The following PHF3 variants were observed in gnomAD, a reference collection of about 807,000 sequenced individuals.
The protein encoded by PHF3 is PHD finger protein 3.
Under a neutral mutation model 178.4 loss-of-function variants are expected in PHF3, and 41 were observed. That is an observed-to-expected ratio of 0.23 (90% confidence interval 0.18 to 0.30). The LOEUF is 0.30. Ranked by LOEUF, PHF3 falls within the 10% of genes least tolerant of loss-of-function variation. The pLI is 1.00. For missense variants in PHF3, 2,346 were observed against 2,398.1 expected (o/e 0.98, Z 0.45); for synonymous variants, 842 against 800.5 (o/e 1.05, Z -0.88).
At chr6:63,702,868 C>T (rs1304220533) in intron 10 of PHF3, among the ~76,000 whole-genome samples, 1 of 149,768 alleles carries the variant, frequency 6.7e-6, no homozygotes, top group African/African-American at 2.5e-5. Context: ...AGTGCTCTGA[C>T]TTAGTGAATT....
Position 63,720,362 on chromosome 6 carries a change from C to G in PHF3, c.*6654C>G, listed in dbSNP as rs1426059521. ...AATAAGCACATTCTGTGAATAAGCA[C>G]TGAACTAATGGAGTTAAAACATGAA... On this transcript the variant is annotated 3_prime_UTR_variant, in exon 16 of 16. Transcript: ENST00000262043. 9.1e-6 allele frequency: 4 copies of G among 440,260 alleles called. No individual in the cohort carries two copies. The highest frequency in any genetic ancestry group is 6.1e-5 in the African/African-American group (3 of 48,952). 27.3% of individuals were successfully genotyped at this position (440,260 alleles called of 1,614,324 possible).
intron 1 of PHF3, among the ~76,000 whole-genome samples, chr6:63,646,284 A>G (rs973461982): frequency 2.0e-5 from 3 of 152,126 alleles, no homozygotes; most frequent in Non-Finnish European, 4.4e-5. Flanking sequence ...CTGAGTAAAC[A>G]TTTAGTAGGA....
rs1047544870 is a variant in PHF3, at chr6:63,718,978, C to T, written c.*5270C>T. 3.0e-4 allele frequency among the ~76,000 whole-genome samples: 46 copies of T among 151,950 alleles called. No individual in the cohort carries two copies. The highest frequency in any genetic ancestry group is 5.3e-4 in the Non-Finnish European group (36 of 67,930). On this transcript the variant is annotated 3_prime_UTR_variant, in exon 16 of 16. Transcript: ENST00000262043. ...AGTATGGAGCAATACCAGTTTAGGT[C>T]ACAGTTTTTCAGCAAAATTTGATGG...
chr6:63,718,638 C>G lies in PHF3; in HGVS notation c.*4930C>G, dbSNP rs1768261664. 6.6e-6 allele frequency among the ~76,000 whole-genome samples: 1 copy of G among 151,948 alleles called. No individual in the cohort carries two copies. The highest frequency in any genetic ancestry group is 6.6e-5 in the Admixed American group (1 of 15,196). On this transcript the variant is annotated 3_prime_UTR_variant, in exon 16 of 16. Transcript: ENST00000262043. ...TTTATTTGAAATATATGAAGAAAAT[C>G]TGGCTATATGTGCATTTGTTTTTGG...
rs1177402750 is a variant in PHF3, at chr6:63,718,557, G to C, written c.*4849G>C. 6.6e-6 allele frequency among the ~76,000 whole-genome samples: 1 copy of C among 151,898 alleles called. No homozygotes were observed. Among genetic ancestry groups the C allele is most frequent in the East Asian group, 1.9e-4 (1 of 5,186 alleles). ...TGATTTTTGCATATTTCCAATTTCT[G>C]ACTTAGGGCTGGATTCTCTTACCTG... On this transcript the variant is annotated 3_prime_UTR_variant, in exon 16 of 16. Transcript: ENST00000262043.
At chr6:63,648,155 A>G (rs1209450855) in intron 2 of PHF3, among the ~76,000 whole-genome samples, 2 of 152,058 alleles carry the variant, frequency 1.3e-5, no homozygotes, top group African/African-American at 2.4e-5. Context: ...GTATCTCTGA[A>G]TTATTTATAT....
chr6:63,695,143 G>T (rs1767179723), intron 6 of PHF3, among the ~76,000 whole-genome samples: 1 of 152,160 alleles, frequency 6.6e-6, no homozygotes. Context: ...AATGGAGGAA[G>T]TAACTTGTGA....
rs982845380 is a variant in PHF3 at position 63,636,070 on chromosome 6, CCCT to C, written c.-95_-93del. 116 of 392,108 alleles carry C rather than the reference CCCT, an allele frequency of 3.0e-4. No individual in the cohort carries two copies. The highest frequency in any genetic ancestry group is 2.0e-3 in the African/African-American group (97 of 48,298). 24.3% of individuals were successfully genotyped at this position (392,108 alleles called of 1,614,324 possible). A position where few individuals can be genotyped will look rare whatever the true frequency, so the allele number is the denominator to read the frequency against. ...CCCTCTCCGCGGCACCCACCGGGCCCCCTCCTCCTCCTCTTCGGCGGCGGCAGC... is the reference window on the plus strand; with the variant it reads ...CCCTCTCCGCGGCACCCACCGGGCCCCCTCCTCCTCTTCGGCGGCGGCAGC... On this transcript the variant is annotated 5_prime_UTR_variant, in exon 1 of 16. Transcript: ENST00000262043.
chr6:63,704,403 TC>T (rs1289664661), intron 11 of PHF3, among the ~76,000 whole-genome samples: 5 of 151,706 alleles, frequency 3.3e-5, no homozygotes, highest in Admixed American at 3.3e-4. Context: ...ATTCATCCCT[TC>T]CCCCAACACC....
Position 63,721,853 on chromosome 6 carries a change from A to T in PHF3, c.*8145A>T. On this transcript the variant is annotated 3_prime_UTR_variant, in exon 16 of 16. Transcript: ENST00000262043. The stretch of plus-strand genomic sequence containing the variant: ...GCAACAGTAAAAGTTTCCATTGAAA[A>T]CTTTTGCTGTTTCTGGCCAAGTTGG... 1.4e-6 allele frequency: 2 copies of T among 1,475,942 alleles called. No homozygotes were observed. The highest frequency in any genetic ancestry group is 1.8e-6 in the Non-Finnish European group (2 of 1,111,880). The allele number at this position is 1,475,942 out of a possible 1,614,324, so 91.4% of individuals were successfully genotyped here.
chr6:63,678,528 G>T (rs1766284714), intron 2 of PHF3, among the ~76,000 whole-genome samples: 1 of 151,334 alleles, frequency 6.6e-6, no homozygotes, highest in Non-Finnish European at 1.5e-5. Flanking sequence ...TCTGTTTATG[G>T]ATAAGAATTA....
intron 1 of PHF3, among the ~76,000 whole-genome samples, chr6:63,641,521 GGTGTGTATGTGTGTGT>G (rs1418248989): frequency 2.4e-4 from 31 of 128,312 alleles, no homozygotes; most frequent in African/African-American, 1.0e-3. Flanking sequence ...TTTATTGTTA[GGTGTGTATGTGTGTGT>G]GTGTGTGTGT....
intron 2 of PHF3, among the ~76,000 whole-genome samples, chr6:63,652,152 C>T (rs544787753): frequency 6.6e-6 from 1 of 152,276 alleles, no homozygotes; most frequent in Non-Finnish European, 1.5e-5. Flanking sequence ...TTTACATTCC[C>T]TCCAAGAGTG....
At position 63,719,467 on chromosome 6, in the gene PHF3, CG is replaced by C. The variant is rs1254085634; in HGVS notation, c.*5761del. ...GTTCACCAAGTCAGTCATATGTTGC[CG>C]GTTGCCAAGTGGCAAAATTATCACA... On this transcript the variant is annotated 3_prime_UTR_variant, in exon 16 of 16. Transcript: ENST00000262043. 6.6e-6 allele frequency among the ~76,000 whole-genome samples: 1 copy of C among 151,960 alleles called. No homozygotes were observed. The highest frequency in any genetic ancestry group is 1.9e-4 in the East Asian group (1 of 5,186).
At chr6:63,686,120 A>G (rs927285175) in intron 4 of PHF3, 1 of 512,884 alleles carries the variant, frequency 1.9e-6, no homozygotes, top group Non-Finnish European at 3.4e-6. Context: ...TTAAAAAAGC[A>G]TAGTCTGGCC....
Position 63,670,046 on chromosome 6 carries a change from C to T in PHF3, c.245-9954C>T, listed in dbSNP as rs114827327. Among the ~76,000 whole-genome samples the T allele has an allele frequency of 2.1e-3, 322 of 151,916 alleles. 1 individual carries two copies. The highest frequency in any genetic ancestry group is 7.3e-3 in the African/African-American group (304 of 41,434). ...TTGATGAAAGTTCCTTTTATAGAAC[C>T]GTTTTTATACTCTTAAAAGGAGACT... On this transcript the variant is annotated intron_variant, in intron 2 of 15. Coordinates refer to ENST00000262043, the MANE Select transcript of PHF3 (RefSeq NM_001370348.2).
Position 63,685,804 on chromosome 6 carries a change from A to G in PHF3, c.2082A>G (p.Ile694Met). ...DEPPLFIPDN[I>M]ATIRREGSDH... ...CACCATTGTTCATTCCAGATAACAT[A>G]GCTACCATAAGAAGAGAAGGCTCTG... Residue 694 changes from isoleucine to methionine, a missense_variant, in exon 4 of 16, where the codon ATA becomes ATG. By Grantham distance (10) the Ile-to-Met change is conservative (BLOSUM62 1). This residue lies in a region of PHF3 where 72 missense variants were observed against 110.5 expected (regional missense o/e 0.65). Coordinates refer to ENST00000262043, the MANE Select transcript of PHF3 (RefSeq NM_001370348.2). The G allele has an allele frequency of 6.2e-7, 1 of 1,613,928 alleles. No homozygotes were observed. The highest frequency in any genetic ancestry group is 8.5e-7 in the Non-Finnish European group (1 of 1,180,008).
chr6:63,677,045 A>T (rs1457484839), intron 2 of PHF3, among the ~76,000 whole-genome samples: 1 of 152,184 alleles, frequency 6.6e-6, no homozygotes, highest in Non-Finnish European at 1.5e-5. Context: ...TACTCTGAAT[A>T]CCTTGGGAGG....
rs1352523679 is a variant in PHF3 at position 63,703,555 on chromosome 6, C to T, written c.3251C>T (p.Ser1084Leu). 1 of 1,610,526 alleles carries T rather than the reference C, an allele frequency of 6.2e-7. No homozygotes were observed. The change falls in exon 11 of 16, where the codon TCA becomes TTA. Residue 1084 changes from serine to leucine, a missense_variant. Ser to Leu is a moderately radical substitution (Grantham distance 145). Transcript: ENST00000262043. ...MEIQEPAANK[S>L]LEKPEGSEKQ... ...CGTTAGGAACCAGCCGCCAATAAGTCATTGGAGAAGCCAGAAGGATCTGAA... is the reference window on the plus strand; with the variant it reads ...CGTTAGGAACCAGCCGCCAATAAGTTATTGGAGAAGCCAGAAGGATCTGAA...
Sources: gnomAD v4.1 joint callset for allele counts (sites outside exome capture counted in the v4.1 genomes callset) on GRCh38, gnomAD v4.1.1 for gene constraint, gnomAD v4.1.1 regional missense constraint, MANE v1.5 for transcripts, NCBI Gene and HGNC (gene_info 2026-07-23, HGNC 2026-07-21) for gene names.